The following MYO3B variants were observed in gnomAD, a reference collection of about 807,000 sequenced individuals.
MYO3B encodes the protein myosin IIIB.
Under a neutral mutation model 174.6 loss-of-function variants are expected in MYO3B, and 156 were observed. The observed-to-expected ratio is 0.89, with a 90% CI of 0.78 to 1.02. The LOEUF is 1.02. Ranked by LOEUF, MYO3B falls within the 50% of genes least tolerant of loss-of-function variation. The pLI is 0.00. For missense variants in MYO3B, 1,632 were observed against 1,639.4 expected (o/e 1.00, Z 0.08); for synonymous variants, 563 against 569.1 (o/e 0.99, Z 0.15).
chr2:170,245,958 A>T (rs535606694), intron 7 of MYO3B, among the ~76,000 whole-genome samples: 1 of 152,236 alleles, frequency 6.6e-6, no homozygotes, highest in African/African-American at 2.4e-5. Flanking sequence ...ATAAAAATAT[A>T]CCAGTGCCTG....
chr2:170,286,731 A>T (rs2093558784), intron 7 of MYO3B, among the ~76,000 whole-genome samples: 1 of 152,066 alleles, frequency 6.6e-6, no homozygotes. Flanking sequence ...TCTGTCCTCC[A>T]GTTAAGTTGT....
chr2:170,200,781 AG>A (rs1340132666), intron 3 of MYO3B, among the ~76,000 whole-genome samples: 1 of 152,196 alleles, frequency 6.6e-6, no homozygotes, highest in African/African-American at 2.4e-5. Context: ...TGAGGAAGGC[AG>A]GATCAGGCAA....
intron 25 of MYO3B, among the ~76,000 whole-genome samples, chr2:170,468,839 G>A (rs1388932146): frequency 2.0e-5 from 3 of 152,162 alleles, no homozygotes; most frequent in African/African-American, 4.8e-5. Context: ...CATGTATTGG[G>A]ATGTGTTCTG....
intron 8 of MYO3B, chr2:170,341,502 T>C (rs2093976524): frequency 6.6e-6 from 1 of 152,200 alleles, no homozygotes; most frequent in Non-Finnish European, 1.5e-5. Flanking sequence ...AAATGAGCAG[T>C]GGTATCTCTA....
At chr2:170,511,484 A>G (rs185886125) in intron 28 of MYO3B, among the ~76,000 whole-genome samples, 4 of 152,274 alleles carry the variant, frequency 2.6e-5, no homozygotes. Flanking sequence ...CTTTTTGATT[A>G]GCTGACAGGT....
In MYO3B at chr2:170,330,987, C is replaced by T. The variant is rs529304781; in HGVS notation, c.750-4398C>T. Among the ~76,000 whole-genome samples, 6 of 152,272 alleles carry T rather than the reference C, an allele frequency of 3.9e-5. No homozygotes were observed. The South Asian group carries it at 1.2e-3, about 32-fold the overall frequency. On this transcript the variant is annotated intron_variant, in intron 7 of 34. Coordinates refer to ENST00000408978, the MANE Select transcript of MYO3B (RefSeq NM_138995.5). ...TGTGTGAATTCATTCAAAAAATTTA[C>T]CGAGTATTTCTGTGCTGGGCACTAT...
chr2:170,283,020 G>T (rs964153047), intron 7 of MYO3B, among the ~76,000 whole-genome samples: 27 of 152,188 alleles, frequency 1.8e-4, no homozygotes, highest in African/African-American at 6.5e-4. Flanking sequence ...GGGGATGCCA[G>T]TGGTGTGCTC....
In MYO3B at chr2:170,542,928, C is replaced by T; in HGVS notation, c.3598C>T (p.Pro1200Ser). ...KNGHSQAQSS[P>S]KGCDIFAGHA... Reference sequence around the variant, plus strand: ...CAGGCATTCACAAGCCCAGAGTTCTCCAAAAGGGTGCGATATCTTCGCAGG... The same window carrying T: ...CAGGCATTCACAAGCCCAGAGTTCTTCAAAAGGGTGCGATATCTTCGCAGG... Residue 1200 changes from proline (P) to serine (S), a missense_variant, in exon 31 of 35, where the codon CCA becomes TCA. Coordinates refer to ENST00000408978, the MANE Select transcript of MYO3B (RefSeq NM_138995.5). The T allele has an allele frequency of 6.2e-7, 1 of 1,609,184 alleles. No individual in the cohort carries two copies. Among genetic ancestry groups the T allele is most frequent in the South Asian group, 1.1e-5 (1 of 89,516 alleles).
chr2:170,610,771 A>G (rs924795254), intron 32 of MYO3B, among the ~76,000 whole-genome samples: 9 of 152,228 alleles, frequency 5.9e-5, no homozygotes, highest in Admixed American at 2.6e-4. Flanking sequence ...GCATAATTTC[A>G]TAACTCAGCA....
chr2:170,218,585 A>T (rs2092856578), intron 6 of MYO3B, among the ~76,000 whole-genome samples: 1 of 152,154 alleles, frequency 6.6e-6, no homozygotes, highest in South Asian at 2.1e-4. Flanking sequence ...ACCTACAACC[A>T]CGTACCATGC....
intron 25 of MYO3B, among the ~76,000 whole-genome samples, chr2:170,493,283 T>G (rs1489220597): frequency 6.6e-6 from 1 of 152,198 alleles, no homozygotes; most frequent in African/African-American, 2.4e-5. Context: ...GTAGGCAAGT[T>G]TATCAGTCTT....
At chr2:170,405,890 C>T (rs1364397250) in intron 21 of MYO3B, among the ~76,000 whole-genome samples, 2 of 152,224 alleles carry the variant, frequency 1.3e-5, no homozygotes, top group East Asian at 3.8e-4. Context: ...CTAGAACTGA[C>T]AGCTCTCCAG....
chr2:170,459,654 T>G (rs1348431507), intron 23 of MYO3B, among the ~76,000 whole-genome samples: 2 of 151,998 alleles, frequency 1.3e-5, no homozygotes, highest in Admixed American at 1.3e-4. Flanking sequence ...TGGGCAGTCA[T>G]GGGACCGGGC....
At chr2:170,435,274 G>A (rs2094744389) in intron 22 of MYO3B, among the ~76,000 whole-genome samples, 1 of 152,164 alleles carries the variant, frequency 6.6e-6, no homozygotes, top group Non-Finnish European at 1.5e-5. Context: ...CCTTTGATTA[G>A]GACTGGGTAA....
At chr2:170,609,865 T>C (rs1197305423) in intron 32 of MYO3B, among the ~76,000 whole-genome samples, 1 of 152,182 alleles carries the variant, frequency 6.6e-6, no homozygotes, top group Non-Finnish European at 1.5e-5. Context: ...CTAATATTAA[T>C]CACTCTGGGT....
intron 32 of MYO3B, among the ~76,000 whole-genome samples, chr2:170,637,303 C>G (rs546194068): frequency 6.6e-6 from 1 of 151,644 alleles, no homozygotes; most frequent in Admixed American, 6.6e-5. Context: ...TCCCGAGTAG[C>G]TGGGATTACA....
chr2:170,429,403 A>G (rs1479321120), intron 22 of MYO3B, among the ~76,000 whole-genome samples: 2 of 152,176 alleles, frequency 1.3e-5, no homozygotes, highest in African/African-American at 4.8e-5. Context: ...GGCCACCTGA[A>G]GAGCAGAACA....
chr2:170,521,142 T>G (rs182265060), intron 30 of MYO3B, among the ~76,000 whole-genome samples: 1 of 152,326 alleles, frequency 6.6e-6, no homozygotes, highest in East Asian at 1.9e-4. Flanking sequence ...TGAGATCGCT[T>G]AAGATTTTTG....
chr2:170,649,168 A>ATTATATTATATATAAAATAAT (rs1698715845), intron 32 of MYO3B, among the ~76,000 whole-genome samples: 1 of 62,396 alleles, frequency 1.6e-5, no homozygotes, highest in African/African-American at 8.9e-5. Flanking sequence ...AATAATATAT[A>ATTATATTATATATAAAATAAT]ATATATTATA....
Sources: gnomAD v4.1 joint callset for allele counts (sites outside exome capture counted in the v4.1 genomes callset) on GRCh38, gnomAD v4.1.1 for gene constraint, MANE v1.5 for transcripts, NCBI Gene and HGNC (gene_info 2026-07-23, HGNC 2026-07-21) for gene names.